The following MBD5 variants were observed in gnomAD, a reference collection of about 807,000 sequenced individuals.
The protein encoded by MBD5 is methyl-CpG binding domain protein 5.
A neutral mutation model predicts 117.3 loss-of-function variants in MBD5; 13 were observed. That is an observed-to-expected ratio of 0.11 (90% CI 0.07 to 0.18). The LOEUF (loss-of-function observed/expected upper bound fraction) is 0.18. MBD5 is among the 10% of genes least tolerant of loss of function. MBD5 has a pLI of 1.00. For synonymous variants in MBD5, 727 were observed against 766.4 expected, an observed-to-expected ratio of 0.95 and a Z score of 0.85; for missense variants, 1,879 against 2,093.8, an observed-to-expected ratio of 0.90 and a Z score of 2.00.
intron 3 of MBD5, among the ~76,000 whole-genome samples, chr2:148,243,489 A>G (rs994597207): frequency 6.6e-5 from 10 of 152,122 alleles, no homozygotes; most frequent in African/African-American, 2.4e-4. Context: ...TCTGTTTATC[A>G]GAATATATTT....
intron 4 of MBD5, among the ~76,000 whole-genome samples, chr2:148,407,361 TG>T (rs1705113372): frequency 2.0e-5 from 3 of 151,888 alleles, no homozygotes; most frequent in African/African-American, 7.3e-5. Context: ...TGTGTGTGTG[TG>T]TGTGTGTTTG....
At chr2:148,451,645 C>T (rs553375890) in intron 4 of MBD5, among the ~76,000 whole-genome samples, 2 of 152,224 alleles carry the variant, frequency 1.3e-5, no homozygotes, top group Admixed American at 1.3e-4. Context: ...ACTTCCCTCT[C>T]CACAATAGTA....
intron 4 of MBD5, among the ~76,000 whole-genome samples, chr2:148,392,800 G>A (rs190108695): frequency 6.6e-6 from 1 of 152,132 alleles, no homozygotes; most frequent in African/African-American, 2.4e-5. Flanking sequence ...GGGGTATAGA[G>A]AGCATTCATA....
At chr2:148,312,304 G>A (rs879855518) in intron 3 of MBD5, among the ~76,000 whole-genome samples, 3 of 152,176 alleles carry the variant, frequency 2.0e-5, no homozygotes, top group Non-Finnish European at 4.4e-5. Context: ...CGCAGGTTTG[G>A]TCTTTTCACA....
At chr2:148,441,647 T>A (rs1706327595) in intron 4 of MBD5, among the ~76,000 whole-genome samples, 1 of 152,106 alleles carries the variant, frequency 6.6e-6, no homozygotes, top group African/African-American at 2.4e-5. Context: ...GGTCAAATGG[T>A]ATTTCTAGTT....
Position 148,021,402 on chromosome 2 carries a change from T to C in MBD5, c.-1207T>C. 2.1e-6 allele frequency: 1 copy of C among 480,394 alleles called. No homozygotes were observed. Among genetic ancestry groups the C allele is most frequent in the East Asian group, 5.9e-5 (1 of 17,000 alleles). The allele number at this position is 480,394 out of a possible 1,614,324, so 29.8% of individuals were successfully genotyped here. A position where few individuals can be genotyped will look rare whatever the true frequency, so the allele number is the denominator to read the frequency against. ...CCTCCACCCTCCTCCTCTTTGGCCG[T>C]GAGAGGAGGAGAGAAAGAAACCAAA... On this transcript the variant is annotated 5_prime_UTR_variant, in exon 1 of 14. Coordinates refer to ENST00000642680, the MANE Select transcript of MBD5 (RefSeq NM_001378120.1).
At chr2:148,341,775 T>C (rs1304710554) in intron 3 of MBD5, among the ~76,000 whole-genome samples, 1 of 151,952 alleles carries the variant, frequency 6.6e-6, no homozygotes, top group East Asian at 1.9e-4. Flanking sequence ...TCTTGTATCA[T>C]TATAGTGATC....
intron 1 of MBD5, among the ~76,000 whole-genome samples, chr2:148,059,778 G>A (rs1165018114): frequency 6.6e-6 from 1 of 151,716 alleles, no homozygotes; most frequent in African/African-American, 2.4e-5. Flanking sequence ...CCCGGGAGGC[G>A]GAGCTTGCAG....
chr2:148,347,588 C>A (rs1259168010), intron 4 of MBD5: 2 of 151,940 alleles, frequency 1.3e-5, no homozygotes, highest in Non-Finnish European at 2.9e-5. Context: ...CCAAAATGTT[C>A]TTGCCCCAAA....
chr2:148,429,566 G>T (rs550059490), intron 4 of MBD5, among the ~76,000 whole-genome samples: 98 of 151,894 alleles, frequency 6.5e-4, no homozygotes, highest in Admixed American at 1.8e-3. Flanking sequence ...TTGTGATACC[G>T]GTCACAATAG....
At chr2:148,414,299 C>T (rs914460274) in intron 4 of MBD5, among the ~76,000 whole-genome samples, 14 of 152,040 alleles carry the variant, frequency 9.2e-5, no homozygotes, top group African/African-American at 2.4e-4. Flanking sequence ...GTATTGATTT[C>T]GATTTTTATT....
intron 2 of MBD5, among the ~76,000 whole-genome samples, chr2:148,206,330 A>G (rs1017143905): frequency 1.3e-5 from 2 of 152,180 alleles, no homozygotes; most frequent in Non-Finnish European, 2.9e-5. Context: ...GTGGATTTTA[A>G]AAACATGTTT....
At chr2:148,329,805 T>C (rs1702583615) in intron 3 of MBD5, among the ~76,000 whole-genome samples, 1 of 152,160 alleles carries the variant, frequency 6.6e-6, no homozygotes, top group South Asian at 2.1e-4. Flanking sequence ...AACAGGGTAC[T>C]TTGGTTTTTA....
intron 12 of MBD5, among the ~76,000 whole-genome samples, chr2:148,507,611 T>G (rs1308603990): frequency 6.7e-6 from 1 of 148,442 alleles, no homozygotes; most frequent in Non-Finnish European, 1.5e-5. Context: ...TACAAAAAAT[T>G]AGCCGGGCGC....
At chr2:148,073,825 A>G (rs2105100486) in intron 1 of MBD5, among the ~76,000 whole-genome samples, 1 of 152,322 alleles carries the variant, frequency 6.6e-6, no homozygotes, top group Non-Finnish European at 1.5e-5. Context: ...GTCTGATTCT[A>G]TAGCAAGTGT....
At chr2:148,480,122 A>G (rs571010135) in intron 8 of MBD5, among the ~76,000 whole-genome samples, 1 of 152,156 alleles carries the variant, frequency 6.6e-6, no homozygotes, top group African/African-American at 2.4e-5. Context: ...AGATTTGTTG[A>G]AAATTAAAGA....
At chr2:148,330,236 G>C (rs554621401) in intron 3 of MBD5, among the ~76,000 whole-genome samples, 48 of 152,032 alleles carry the variant, frequency 3.2e-4, no homozygotes, top group African/African-American at 1.1e-3. Flanking sequence ...TCCAGTCTTG[G>C]TAGCCCTGAC....
intron 3 of MBD5, among the ~76,000 whole-genome samples, chr2:148,334,763 T>C (rs1329182626): frequency 2.6e-5 from 4 of 152,218 alleles, no homozygotes; most frequent in Admixed American, 2.0e-4. Context: ...ATTTTTCTTA[T>C]CTGTTGTGAA....
chr2:148,134,852 T>A (rs1289780115), intron 1 of MBD5, among the ~76,000 whole-genome samples: 1 of 152,234 alleles, frequency 6.6e-6, no homozygotes, highest in Non-Finnish European at 1.5e-5. Flanking sequence ...TTTCTATTTA[T>A]CTTCATGTGT....
Sources: gnomAD v4.1 joint callset for allele counts (sites outside exome capture counted in the v4.1 genomes callset) on GRCh38, gnomAD v4.1.1 for gene constraint, MANE v1.5 for transcripts, NCBI Gene and HGNC (gene_info 2026-07-23, HGNC 2026-07-21) for gene names.